LRP1B: variants seen among roughly 807,000 people sequenced by gnomAD.
LRP1B encodes low-density lipoprotein receptor-related protein 1B.
Under a neutral mutation model 556.6 loss-of-function variants are expected in LRP1B, and 217 were observed. That is an observed-to-expected ratio of 0.39 (90% CI 0.35 to 0.44). The LOEUF (loss-of-function observed/expected upper bound fraction) is 0.44, where lower values mean the gene tolerates loss of function less well. Among genes scored for constraint, LRP1B ranks in the 20% least tolerant of loss-of-function variants. The pLI, the probability that LRP1B is intolerant of heterozygous loss-of-function variation, is 1.00. For missense variants in LRP1B, 5,053 were observed against 5,620.8 expected, an observed-to-expected ratio of 0.90 and a Z score of 3.23; for synonymous variants, 2,047 against 1,865.8, an observed-to-expected ratio of 1.10 and a Z score of -2.50.
chr2:141,586,037 T>TA (rs1210752691), intron 2 of LRP1B, among the ~76,000 whole-genome samples: 1 of 152,148 alleles, frequency 6.6e-6, no homozygotes, highest in Non-Finnish European at 1.5e-5. Context: ...AACTTTAAAA[T>TA]GGGCTTTGAT....
chr2:140,796,789 C>T (rs1690331102), intron 32 of LRP1B, among the ~76,000 whole-genome samples: 1 of 152,086 alleles, frequency 6.6e-6, no homozygotes, highest in Middle Eastern at 3.4e-3. Context: ...TTAAAATAAC[C>T]TGGATTGTAT....
intron 20 of LRP1B, among the ~76,000 whole-genome samples, chr2:140,930,536 T>C (rs1467786368): frequency 1.3e-5 from 2 of 152,144 alleles, no homozygotes; most frequent in African/African-American, 4.8e-5. Context: ...ATTCAGAATA[T>C]ACTTTTTGGT....
Position 140,621,429 on chromosome 2 carries a change from A to AC in LRP1B, c.6800-19791dup, listed in dbSNP as rs572764377. Among the ~76,000 whole-genome samples the AC allele has an allele frequency of 4.8e-4, 73 of 151,942 alleles. 2 individuals carry two copies. Among genetic ancestry groups the AC allele is most frequent in the African/African-American group, 1.4e-3 (60 of 41,476 alleles). On this transcript the variant is annotated intron_variant, in intron 41 of 90. Transcript: ENST00000389484. ...AAGAAGAAAATACTGATATTGTCAA[A>AC]CAATCTATAGAGTAAAGGAAGCACA...
intron 23 of LRP1B, chr2:140,898,945 C>G: frequency 2.7e-6 from 1 of 377,014 alleles, no homozygotes; most frequent in Non-Finnish European, 5.2e-6. Flanking sequence ...ATCTGGCTGT[C>G]CTTGCCTTAA....
chr2:141,250,236 C>A (rs772124945), intron 4 of LRP1B, among the ~76,000 whole-genome samples: 1 of 152,130 alleles, frequency 6.6e-6, no homozygotes, highest in Non-Finnish European at 1.5e-5. Flanking sequence ...TACACCTGAG[C>A]CTATGCTAAT....
At chr2:141,649,028 C>G (rs1038518520) in intron 2 of LRP1B, among the ~76,000 whole-genome samples, 1 of 152,110 alleles carries the variant, frequency 6.6e-6, no homozygotes, top group African/African-American at 2.4e-5. Flanking sequence ...CAGATGAAGC[C>G]TCCAGATGTG....
At chr2:141,443,897 G>A (rs1287512205) in intron 3 of LRP1B, among the ~76,000 whole-genome samples, 1 of 152,084 alleles carries the variant, frequency 6.6e-6, no homozygotes, top group Admixed American at 6.6e-5. Flanking sequence ...GCTTAGGATT[G>A]TCTTGGATAT....
intron 1 of LRP1B, among the ~76,000 whole-genome samples, chr2:142,031,705 T>C (rs149866289): frequency 4.0e-5 from 6 of 151,800 alleles, no homozygotes; most frequent in African/African-American, 1.4e-4. Context: ...CCAAACTCTC[T>C]ACGTCCATTG....
intron 8 of LRP1B, among the ~76,000 whole-genome samples, chr2:141,060,206 C>T (rs978630258): frequency 1.3e-5 from 2 of 151,624 alleles, no homozygotes; most frequent in South Asian, 2.1e-4. Flanking sequence ...GTATGAGACA[C>T]GACTAAAAAA....
chr2:140,469,661 G>T (rs1262652570), intron 60 of LRP1B, among the ~76,000 whole-genome samples: 2 of 152,138 alleles, frequency 1.3e-5, no homozygotes, highest in East Asian at 3.9e-4. Context: ...CAATCTGAAA[G>T]ATTTCAGGTA....
At chr2:141,018,647 T>TTG (rs1437095820) in intron 12 of LRP1B, among the ~76,000 whole-genome samples, 1 of 152,118 alleles carries the variant, frequency 6.6e-6, no homozygotes, top group Non-Finnish European at 1.5e-5. Context: ...GAAAACATTT[T>TTG]CTCTAACAAC....
At chr2:141,232,280 G>T (rs1573688486) in intron 5 of LRP1B, among the ~76,000 whole-genome samples, 1 of 152,148 alleles carries the variant, frequency 6.6e-6, no homozygotes, top group African/African-American at 2.4e-5. Context: ...TCTTAGATGG[G>T]TGTGTTATCA....
At chr2:141,833,506 T>C (rs1358622179) in intron 1 of LRP1B, among the ~76,000 whole-genome samples, 3 of 151,858 alleles carry the variant, frequency 2.0e-5, no homozygotes, top group Non-Finnish European at 4.4e-5. Flanking sequence ...AGTAAAACAG[T>C]GACAGAGTGA....
intron 66 of LRP1B, among the ~76,000 whole-genome samples, chr2:140,417,081 C>T (rs958121981): frequency 2.0e-5 from 3 of 152,156 alleles, no homozygotes; most frequent in African/African-American, 4.8e-5. Flanking sequence ...TTCAAAACTG[C>T]TTTGCCACAT....
At chr2:141,223,445 T>C (rs1174213104) in intron 6 of LRP1B, among the ~76,000 whole-genome samples, 1 of 152,130 alleles carries the variant, frequency 6.6e-6, no homozygotes, top group East Asian at 1.9e-4. Context: ...ATTATGAAAA[T>C]GGCCATACTG....
intron 7 of LRP1B, among the ~76,000 whole-genome samples, chr2:141,098,486 A>T (rs1700375894): frequency 6.6e-6 from 1 of 152,230 alleles, no homozygotes; most frequent in Admixed American, 6.5e-5. Flanking sequence ...GAATACCCTT[A>T]GCACCACTGT....
At chr2:141,631,959 T>G (rs1407990603) in intron 2 of LRP1B, among the ~76,000 whole-genome samples, 1 of 152,096 alleles carries the variant, frequency 6.6e-6, no homozygotes, top group Non-Finnish European at 1.5e-5. Context: ...CCAGATAGAC[T>G]GGAAAGCAGG....
rs71417166 is a variant in LRP1B, at chr2:141,953,766, C to T, written c.83-143365G>A. ...ACAGTAACATACTAGCTTACTCATT[C>T]GTTTGGCTTATATATGCCATTCATT... On this transcript the variant is annotated intron_variant, in intron 1 of 90. Coordinates refer to ENST00000389484, the MANE Select transcript of LRP1B (RefSeq NM_018557.3). Among the ~76,000 whole-genome samples the T allele has an allele frequency of 5.7e-3, 867 of 152,138 alleles. 7 individuals are homozygous for T. Among genetic ancestry groups the T allele is most frequent in the Non-Finnish European group, 9.3e-3 (634 of 67,950 alleles).
At chr2:141,673,904 C>G (rs1356208553) in intron 2 of LRP1B, among the ~76,000 whole-genome samples, 1 of 151,860 alleles carries the variant, frequency 6.6e-6, no homozygotes, top group African/African-American at 2.4e-5. Flanking sequence ...ACGACTGAAG[C>G]AATTTTGTGA....
Sources: allele counts gnomAD v4.1 joint callset (sites outside exome capture counted in the v4.1 genomes callset), GRCh38; gene constraint gnomAD v4.1.1; transcripts MANE v1.5; gene names NCBI Gene and HGNC (gene_info 2026-07-23, HGNC 2026-07-21).